The following DENND1A variants were observed in gnomAD, a reference collection of about 807,000 sequenced individuals.
DENND1A encodes DENN domain containing 1A.
A neutral mutation model predicts 113.7 loss-of-function variants in DENND1A; 51 were observed. The ratio of observed to expected loss-of-function variants is 0.45; its 90% CI spans 0.36 to 0.57. The LOEUF (loss-of-function observed/expected upper bound fraction) is 0.57, where lower values mean the gene tolerates loss of function less well. DENND1A is among the 20% of genes least tolerant of loss of function. DENND1A has a pLI of 0.00. For synonymous variants in DENND1A, 565 were observed against 570.8 expected (o/e 0.99, Z 0.14); for missense variants, 1,258 against 1,395.9 (o/e 0.90, Z 1.57).
intron 3 of DENND1A, among the ~76,000 whole-genome samples, chr9:123,772,586 T>C (rs1047896272): frequency 1.3e-5 from 2 of 152,202 alleles, no homozygotes; most frequent in Admixed American, 1.3e-4. Flanking sequence ...GCACAGCTGA[T>C]GAAATGTAAA....
At chr9:123,816,104 G>A (rs552103063) in intron 2 of DENND1A, among the ~76,000 whole-genome samples, 87 of 150,892 alleles carry the variant, frequency 5.8e-4, no homozygotes, top group Middle Eastern at 3.4e-3. Flanking sequence ...GGGCTCAAGC[G>A]GTCCTCCCAC....
At chr9:123,692,399 T>A (rs767328724) in intron 5 of DENND1A, among the ~76,000 whole-genome samples, 2 of 152,218 alleles carry the variant, frequency 1.3e-5, no homozygotes, top group African/African-American at 4.8e-5. Context: ...GCTGGGCCAA[T>A]AGGGATTTCT....
chr9:123,392,277 C>T (rs780195498), intron 21 of DENND1A, among the ~76,000 whole-genome samples: 11 of 152,102 alleles, frequency 7.2e-5, no homozygotes, highest in South Asian at 2.1e-4. Flanking sequence ...ATCAGCAGCA[C>T]GTCACGCTGG....
At chr9:123,782,097 G>A (rs1352795203) in intron 3 of DENND1A, among the ~76,000 whole-genome samples, 1 of 151,960 alleles carries the variant, frequency 6.6e-6, no homozygotes, top group African/African-American at 2.4e-5. Flanking sequence ...AAATAAAAAT[G>A]TAATATTTTA....
At chr9:123,416,053 G>A (rs1454488023) in intron 19 of DENND1A, among the ~76,000 whole-genome samples, 1 of 152,212 alleles carries the variant, frequency 6.6e-6, no homozygotes, top group Admixed American at 6.5e-5. Context: ...CGGTGCTCTA[G>A]AAGCTGAAGC....
chr9:123,759,937 T>C (rs964506810), intron 4 of DENND1A, among the ~76,000 whole-genome samples: 8 of 152,226 alleles, frequency 5.3e-5, no homozygotes, highest in Non-Finnish European at 7.3e-5. Flanking sequence ...AAGATGTATA[T>C]CCATTTTTGT....
rs562153560 is a variant in DENND1A at position 123,382,236 on chromosome 9, C to T, written c.2409G>A (p.Arg803=). 4.7e-5 allele frequency: 75 copies of T among 1,609,554 alleles called. No individual in the cohort carries two copies. The South Asian group carries it at 7.8e-4, about 17-fold the overall frequency. The change falls in exon 24 of 24, where the codon CGG becomes CGA. Residue 803 remains arginine (R), a synonymous_variant. Transcript: ENST00000394215. ...CTGGACTCAGGGCAGCTCGCCTGTC[C>T]CGATCCGTCTGCAGCCGCTCTGAGA... ...GDVSERLQTD[R]DRRAALSPGL...
chr9:123,726,618 T>C (rs1304510793), intron 5 of DENND1A, among the ~76,000 whole-genome samples: 1 of 152,134 alleles, frequency 6.6e-6, no homozygotes, highest in Non-Finnish European at 1.5e-5. Context: ...GCACCCACAA[T>C]AGGTAGTGTG....
At chr9:123,413,242 C>T (rs116997500) in intron 19 of DENND1A, 12 of 295,560 alleles carry the variant, frequency 4.1e-5, no homozygotes, top group Admixed American at 6.5e-5. Context: ...AGACTCGGCA[C>T]GAGGAAAGAA....
chr9:123,554,356 G>A (rs773837591), intron 13 of DENND1A, among the ~76,000 whole-genome samples: 17 of 152,110 alleles, frequency 1.1e-4, no homozygotes, highest in Non-Finnish European at 1.8e-4. Context: ...AAGTAGCTGG[G>A]ACCACAGGCA....
At chr9:123,830,092 G>C (rs1025422364) in intron 2 of DENND1A, among the ~76,000 whole-genome samples, 4 of 152,108 alleles carry the variant, frequency 2.6e-5, no homozygotes, top group African/African-American at 7.2e-5. Flanking sequence ...TCACCTGAAT[G>C]TTCATCCAAA....
At chr9:123,516,615 C>T (rs566755860) in intron 13 of DENND1A, among the ~76,000 whole-genome samples, 60 of 151,980 alleles carry the variant, frequency 3.9e-4, no homozygotes, top group Non-Finnish European at 6.5e-4. Flanking sequence ...AGGCCAGGCA[C>T]GGTGGCTCAT....
At chr9:123,624,651 A>C (rs1480037271) in intron 10 of DENND1A, among the ~76,000 whole-genome samples, 1 of 152,190 alleles carries the variant, frequency 6.6e-6, no homozygotes, top group African/African-American at 2.4e-5. Flanking sequence ...AGTAAATACA[A>C]AACTCAACCT....
At chr9:123,528,700 C>G (rs573295332) in intron 13 of DENND1A, among the ~76,000 whole-genome samples, 30 of 152,332 alleles carry the variant, frequency 2.0e-4, no homozygotes, top group African/African-American at 7.2e-4. Flanking sequence ...GAAATGCTCC[C>G]TGTTTTAAAC....
chr9:123,917,863 C>T (rs867667332), intron 1 of DENND1A, among the ~76,000 whole-genome samples: 2 of 151,982 alleles, frequency 1.3e-5, no homozygotes. Context: ...GTAATCTCAG[C>T]GCTTTGGGAG....
chr9:123,602,665 A>G (rs1210438577), intron 11 of DENND1A, among the ~76,000 whole-genome samples: 3 of 152,156 alleles, frequency 2.0e-5, no homozygotes, highest in Non-Finnish European at 4.4e-5. Flanking sequence ...TGCAAATATC[A>G]CTTTTTATTT....
intron 13 of DENND1A, among the ~76,000 whole-genome samples, chr9:123,470,430 C>T (rs995683014): frequency 6.6e-6 from 1 of 151,560 alleles, no homozygotes; most frequent in Non-Finnish European, 1.5e-5. Context: ...ACACTTGCAT[C>T]CAAAGTCCCA....
intron 3 of DENND1A, among the ~76,000 whole-genome samples, chr9:123,773,648 G>C (rs1397515613): frequency 6.6e-6 from 1 of 152,156 alleles, no homozygotes; most frequent in African/African-American, 2.4e-5. Context: ...CAACATTCCA[G>C]ATGTCAAATA....
chr9:123,392,492 G>A (rs1056996029), intron 21 of DENND1A, among the ~76,000 whole-genome samples: 22 of 152,076 alleles, frequency 1.4e-4, no homozygotes. Flanking sequence ...GTGTCCCTCT[G>A]TCACGTGGCT....
Sources: allele counts gnomAD v4.1 joint callset (sites outside exome capture counted in the v4.1 genomes callset), GRCh38; gene constraint gnomAD v4.1.1; transcripts MANE v1.5; gene names NCBI Gene and HGNC (gene_info 2026-07-23, HGNC 2026-07-21).